TNRC6A: variants seen among roughly 807,000 people sequenced by gnomAD.
TNRC6A encodes the protein trinucleotide repeat-containing gene 6A protein.
Under a neutral mutation model 221.2 loss-of-function variants are expected in TNRC6A, and 44 were observed. That is an observed-to-expected ratio of 0.20 (90% CI 0.16 to 0.26). TNRC6A has a LOEUF of 0.26. TNRC6A is among the 10% of genes least tolerant of loss of function. The pLI is 1.00. For missense variants in TNRC6A, 2,199 were observed against 2,404.4 expected (o/e 0.91, Z 1.79); for synonymous variants, 847 against 838.5 (o/e 1.01, Z -0.18).
intron 18 of TNRC6A, among the ~76,000 whole-genome samples, chr16:24,811,144 C>T (rs1160715351): frequency 6.6e-6 from 1 of 152,126 alleles, no homozygotes. Flanking sequence ...CTTGGAGGAG[C>T]ACAGGAGCTG....
intron 1 of TNRC6A, among the ~76,000 whole-genome samples, chr16:24,630,620 C>T (rs1001489264): frequency 6.6e-6 from 1 of 152,184 alleles, no homozygotes; most frequent in Non-Finnish European, 1.5e-5. Context: ...CTTTGCTTCC[C>T]TCCCACCTCA....
chr16:24,670,930 A>G, intron 2 of TNRC6A: 1 of 362,582 alleles, frequency 2.8e-6, no homozygotes. Context: ...TCCTTACATG[A>G]TGCTGACAGG....
intron 2 of TNRC6A, among the ~76,000 whole-genome samples, chr16:24,681,671 T>C (rs2055536533): frequency 6.6e-6 from 1 of 152,192 alleles, no homozygotes; most frequent in South Asian, 2.1e-4. Context: ...AAATATAAGC[T>C]CCATGAAAAC....
intron 2 of TNRC6A, among the ~76,000 whole-genome samples, chr16:24,676,141 C>T (rs762804426): frequency 1.8e-4 from 28 of 152,052 alleles, no homozygotes; most frequent in Non-Finnish European, 3.5e-4. Context: ...AAATGATTTA[C>T]ACCCACTTAT....
chr16:24,658,595 CAAGTGATCTACCTCGGCCTCCCA>C (rs1045605949), intron 2 of TNRC6A, among the ~76,000 whole-genome samples: 6 of 152,014 alleles, frequency 3.9e-5, no homozygotes, highest in African/African-American at 1.4e-4. Flanking sequence ...CTCCTGACCT[CAAGTGATCTACCTCGGCCTCCCA>C]AAGTGCTGGG....
chr16:24,749,845 G>T (rs1366391151), intron 2 of TNRC6A, among the ~76,000 whole-genome samples: 1 of 152,084 alleles, frequency 6.6e-6, no homozygotes, highest in East Asian at 1.9e-4. Context: ...CTAATATGAA[G>T]AATACATTAT....
chr16:24,799,008 G>A (rs1270736710), intron 11 of TNRC6A, among the ~76,000 whole-genome samples: 1 of 152,162 alleles, frequency 6.6e-6, no homozygotes, highest in African/African-American at 2.4e-5. Context: ...TGAAGGCAGG[G>A]CACAGGAGAG....
intron 6 of TNRC6A, among the ~76,000 whole-genome samples, chr16:24,792,047 G>A (rs543918887): frequency 6.6e-5 from 10 of 152,276 alleles, no homozygotes; most frequent in South Asian, 2.1e-4. Flanking sequence ...AAGAGAAGGC[G>A]AATTGGACAA....
intron 2 of TNRC6A, among the ~76,000 whole-genome samples, chr16:24,734,823 A>G (rs2056727251): frequency 6.6e-6 from 1 of 152,224 alleles, no homozygotes. Flanking sequence ...TGTTTTGTTT[A>G]AAGTAGAAGT....
At chr16:24,727,294 G>C (rs942507038), upstream of TNRC6A, among the ~76,000 whole-genome samples, 1 of 152,160 alleles carries the variant, frequency 6.6e-6, no homozygotes, top group African/African-American at 2.4e-5. Context: ...CTCCCAAAGT[G>C]CTGGGATTAC....
chr16:24,675,503 A>T (rs1022714300), intron 2 of TNRC6A, among the ~76,000 whole-genome samples: 1 of 151,702 alleles, frequency 6.6e-6, no homozygotes, highest in Non-Finnish European at 1.5e-5. Context: ...CAACATGGTG[A>T]AACCCATCTC....
chr16:24,664,257 G>A (rs1360736232), intron 2 of TNRC6A, among the ~76,000 whole-genome samples: 1 of 151,782 alleles, frequency 6.6e-6, no homozygotes, highest in Non-Finnish European at 1.5e-5. Flanking sequence ...GTTGCACCTT[G>A]GAGACGGAGA....
intron 6 of TNRC6A, 27 bp downstream of exon 6, chr16:24,791,844 C>G: frequency 2.7e-6 from 4 of 1,479,134 alleles, no homozygotes; most frequent in Non-Finnish European, 3.6e-6. Flanking sequence ...TGAAATCAAG[C>G]CTTGTTTTAA....
intron 2 of TNRC6A, among the ~76,000 whole-genome samples, chr16:24,718,425 T>A (rs746581741): frequency 8.5e-5 from 13 of 152,152 alleles, no homozygotes; most frequent in Admixed American, 2.6e-4. Flanking sequence ...GAACTGGGCT[T>A]TGAAGCAGGA....
chr16:24,613,703 T>G (rs1423496785), intron 1 of TNRC6A, among the ~76,000 whole-genome samples: 1 of 151,608 alleles, frequency 6.6e-6, no homozygotes, highest in Non-Finnish European at 1.5e-5. Context: ...AATTTTCTTT[T>G]TTTTGTATTT....
chr16:24,794,595 G>T lies in TNRC6A; in HGVS notation c.3404G>T (p.Gly1135Val). The change falls in exon 8 of 25, where the codon GGA becomes GTA. Residue 1135 changes from glycine to valine, a missense_variant. Gly to Val is a moderately radical substitution (Grantham distance 109, BLOSUM62 -3). Transcript: ENST00000395799. ...GWCGDDMPLP[G>V]NRPTGWEEEE... ...TGTGGTGATGATATGCCATTGCCTG[G>T]AAATCGCCCCACTGGCTGGGAAGAG... 1 of 1,614,038 alleles carries T rather than the reference G, an allele frequency of 6.2e-7. No individual in the cohort carries two copies. The highest frequency in any genetic ancestry group is 8.5e-7 in the Non-Finnish European group (1 of 1,179,954).
At chr16:24,751,854 C>G (rs948224128) in intron 3 of TNRC6A, among the ~76,000 whole-genome samples, 2 of 152,062 alleles carry the variant, frequency 1.3e-5, no homozygotes, top group Non-Finnish European at 2.9e-5. Flanking sequence ...GTGCATAACT[C>G]AGGCTGAAAT....
In TNRC6A at chr16:24,662,503, A is replaced by AT. The variant is rs1371775325; in HGVS notation, n.402+21494_402+21495insT. Reference sequence around the variant, plus strand: ...TGCCTCAGAAAAAAACAAAAAAAAAAGGATAATTAGATAATTATAGAAGAG... The same window carrying AT: ...TGCCTCAGAAAAAAACAAAAAAAAAATGGATAATTAGATAATTATAGAAGAG... On this transcript the variant is annotated intron_variant and non_coding_transcript_variant, in intron 2 of 2. Transcript: ENST00000566108. 3.3e-5 allele frequency: 5 copies of AT among 152,126 alleles called. No homozygotes were observed. In the East Asian group the frequency reaches 9.7e-4, roughly 29 times the overall value. The allele number at this position is 152,126 out of a possible 1,614,324, so 9.4% of individuals were successfully genotyped here.
At chr16:24,728,455 G>C (rs2056530316), upstream of TNRC6A, among the ~76,000 whole-genome samples, 1 of 147,802 alleles carries the variant, frequency 6.8e-6, no homozygotes, top group Non-Finnish European at 1.5e-5. Context: ...TAAAAAAAAT[G>C]ATAATATAAT....
Sources: allele counts gnomAD v4.1 joint callset (sites outside exome capture counted in the v4.1 genomes callset), GRCh38; gene constraint gnomAD v4.1.1; transcripts MANE v1.5; gene names NCBI Gene and HGNC (gene_info 2026-07-23, HGNC 2026-07-21).